SIPA1L3: variants seen among roughly 807,000 people sequenced by gnomAD.
SIPA1L3 encodes signal-induced proliferation-associated 1-like protein 3.
A neutral mutation model predicts 150.1 loss-of-function variants in SIPA1L3; 59 were observed. The observed-to-expected ratio is 0.39, with a 90% CI of 0.32 to 0.49. The LOEUF is 0.49. SIPA1L3 is among the 20% of genes least tolerant of loss of function. SIPA1L3 has a pLI of 0.86. For missense variants in SIPA1L3, 2,211 were observed against 2,489.5 expected, an observed-to-expected ratio of 0.89 and a Z score of 2.38; for synonymous variants, 1,070 against 1,077.6, an observed-to-expected ratio of 0.99 and a Z score of 0.14.
intron 12 of SIPA1L3, among the ~76,000 whole-genome samples, 184 bp from the exon 13 acceptor site, chr19:38,152,656 A>T (rs965412766): frequency 1.3e-5 from 2 of 151,926 alleles, no homozygotes; most frequent in Non-Finnish European, 2.9e-5. Flanking sequence ...CTCATCCCGG[A>T]CCCGCAGCTA....
intron 1 of SIPA1L3, among the ~76,000 whole-genome samples, chr19:37,909,282 A>C (rs2046359602): frequency 6.6e-6 from 1 of 152,060 alleles, no homozygotes; most frequent in Non-Finnish European, 1.5e-5. Flanking sequence ...ATCTCAGCTC[A>C]CTGAAGCCTC....
chr19:38,064,698 C>CA (rs913742968), intron 2 of SIPA1L3, among the ~76,000 whole-genome samples: 2 of 151,802 alleles, frequency 1.3e-5, no homozygotes, highest in Non-Finnish European at 2.9e-5. Flanking sequence ...GACTCTGTCT[C>CA]AAAAAAAGAA....
At chr19:38,043,327 G>A (rs575176428) in intron 2 of SIPA1L3, among the ~76,000 whole-genome samples, 4 of 152,222 alleles carry the variant, frequency 2.6e-5, no homozygotes, top group Admixed American at 1.3e-4. Context: ...GCGACAGAGC[G>A]AGACTTCATC....
At chr19:38,197,063 A>G (rs999623319) in intron 18 of SIPA1L3, among the ~76,000 whole-genome samples, 2 of 152,164 alleles carry the variant, frequency 1.3e-5, no homozygotes, top group African/African-American at 2.4e-5. Context: ...ATGTGAGCCC[A>G]GGCAAGGCAG....
chr19:38,026,448 G>C (rs1968512129), intron 1 of SIPA1L3, among the ~76,000 whole-genome samples: 1 of 152,114 alleles, frequency 6.6e-6, no homozygotes, highest in African/African-American at 2.4e-5. Flanking sequence ...GCCAGACTTG[G>C]ATCATATGAC....
At chr19:38,152,774 A>G in intron 12 of SIPA1L3, 66 bp from the exon 13 acceptor site, 1 of 1,522,112 alleles carries the variant, frequency 6.6e-7, no homozygotes, top group South Asian at 1.3e-5. Context: ...GCTCAGGCTC[A>G]GGCTCAGGTG....
intron 1 of SIPA1L3, among the ~76,000 whole-genome samples, chr19:37,975,916 C>A (rs1315566796): frequency 6.6e-6 from 1 of 152,058 alleles, no homozygotes; most frequent in African/African-American, 2.4e-5. Context: ...ACCAGCCTGG[C>A]CAACATGGTG....
chr19:38,094,258 T>A (rs1444720230), intron 4 of SIPA1L3, among the ~76,000 whole-genome samples: 1 of 152,146 alleles, frequency 6.6e-6, no homozygotes, highest in Non-Finnish European at 1.5e-5. Flanking sequence ...TATTTGCTTA[T>A]TTATTTTTGA....
intron 1 of SIPA1L3, among the ~76,000 whole-genome samples, chr19:37,912,271 A>G (rs922830597): frequency 1.3e-5 from 2 of 151,898 alleles, no homozygotes; most frequent in African/African-American, 4.8e-5. Context: ...ATCCTTTCAC[A>G]TAGGCAGCAT....
intron 3 of SIPA1L3, among the ~76,000 whole-genome samples, chr19:38,084,749 C>T (rs1970088592): frequency 6.6e-6 from 1 of 150,752 alleles, no homozygotes; most frequent in Admixed American, 6.6e-5. Context: ...ACGCGATTCT[C>T]CTGCCTCAGC....
intron 9 of SIPA1L3, among the ~76,000 whole-genome samples, chr19:38,124,600 G>A (rs1325182798): frequency 6.6e-6 from 1 of 152,076 alleles, no homozygotes; most frequent in East Asian, 1.9e-4. Flanking sequence ...CAGACGGGGT[G>A]GCGGCCGGGC....
chr19:38,204,775 G>C (rs1040384873), intron 21 of SIPA1L3, among the ~76,000 whole-genome samples: 1 of 150,732 alleles, frequency 6.6e-6, no homozygotes, highest in Non-Finnish European at 1.5e-5. Context: ...CAAAAAAAAA[G>C]AAAAAAAAAT....
At chr19:38,087,034 G>A (rs936276513) in intron 3 of SIPA1L3, among the ~76,000 whole-genome samples, 2 of 152,182 alleles carry the variant, frequency 1.3e-5, no homozygotes, top group Non-Finnish European at 1.5e-5. Flanking sequence ...GATAAGGTTG[G>A]GGGGCAGGGT....
At chr19:37,972,664 A>G (rs1214980199) in intron 1 of SIPA1L3, among the ~76,000 whole-genome samples, 2 of 152,200 alleles carry the variant, frequency 1.3e-5, no homozygotes, top group Non-Finnish European at 2.9e-5. Flanking sequence ...TGATTGTGCC[A>G]CTGCATTCCA....
intron 9 of SIPA1L3, among the ~76,000 whole-genome samples, chr19:38,122,836 C>A (rs1408340195): frequency 6.6e-6 from 1 of 152,198 alleles, no homozygotes; most frequent in Non-Finnish European, 1.5e-5. Flanking sequence ...TCCCTTTCCT[C>A]CTACAGGCCT....
intron 9 of SIPA1L3, among the ~76,000 whole-genome samples, chr19:38,124,344 C>T (rs766287523): frequency 2.1e-4 from 31 of 148,672 alleles, no homozygotes; most frequent in South Asian, 1.5e-3. Context: ...CAGGCAGAGG[C>T]GCTCCTCACA....
chr19:38,047,246 G>A lies in SIPA1L3; in HGVS notation c.-311+18090G>A, dbSNP rs1057276434. Among the ~76,000 whole-genome samples, 21 of 152,046 alleles carry A rather than the reference G, an allele frequency of 1.4e-4. No homozygotes were observed. The highest frequency in any genetic ancestry group is 9.7e-4 in the East Asian group (5 of 5,168). On this transcript the variant is annotated intron_variant, in intron 2 of 21. Transcript: ENST00000222345. The surrounding 1 kb of genome is among the most constrained non-coding windows in gnomAD (Gnocchi z 4.7). ...CGCCGACACACACGCACGCACACAC[G>A]CACGCACTCACACACACTCCTACAC...
chr19:37,955,959 C>A (rs1047801270), intron 1 of SIPA1L3, among the ~76,000 whole-genome samples: 1 of 152,194 alleles, frequency 6.6e-6, no homozygotes, highest in African/African-American at 2.4e-5. Context: ...TTTTAAGAAA[C>A]TGCCAGATTG....
At chr19:38,140,397 CTT>C (rs200086221) in intron 10 of SIPA1L3, among the ~76,000 whole-genome samples, 70,319 of 146,850 alleles carry the variant, frequency 0.48, 17,074 homozygotes, top group East Asian at 0.66. Context: ...GATTTCATGG[CTT>C]TTTTTTTTTT....
Sources: gnomAD v4.1 joint callset for allele counts (sites outside exome capture counted in the v4.1 genomes callset) on GRCh38, gnomAD v4.1.1 for gene constraint, Gnocchi (gnomAD v3.1) non-coding constraint, MANE v1.5 for transcripts, NCBI Gene and HGNC (gene_info 2026-07-23, HGNC 2026-07-21) for gene names.